The following DUOXA1 variants were observed in gnomAD, a reference collection of about 807,000 sequenced individuals.
DUOXA1 encodes the protein dual oxidase activator 1.
Under a neutral mutation model 26.6 loss-of-function variants are expected in DUOXA1, and 19 were observed. The ratio of observed to expected loss-of-function variants is 0.71; its 90% CI spans 0.50 to 1.05. DUOXA1 has a LOEUF of 1.05. DUOXA1 is among the 50% of genes least tolerant of loss of function. The pLI is 0.00. For synonymous variants in DUOXA1, 166 were observed against 177.0 expected, an observed-to-expected ratio of 0.94 and a Z score of 0.49; for missense variants, 403 against 427.5, an observed-to-expected ratio of 0.94 and a Z score of 0.51.
Position 45,117,479 on chromosome 15 carries a change from C to G in DUOXA1, c.*1627G>C, listed in dbSNP as rs1481579481. ...TTTTACAGATGAAAAGTGGGGGGCT[C>G]AGAAGGGTTTGGTGTCTTGCCGTGT... is the stretch of plus-strand genomic sequence containing the variant. On this transcript the variant is annotated 3_prime_UTR_variant, in exon 9 of 9. Coordinates refer to ENST00000560572, the MANE Select transcript of DUOXA1 (RefSeq NM_001276266.2). The G allele has an allele frequency of 2.6e-6, 4 of 1,550,384 alleles. No homozygotes were observed. Among genetic ancestry groups the G allele is most frequent in the Non-Finnish European group, 2.6e-6 (3 of 1,146,136 alleles).
At chr15:45,122,289 C>A in intron 4 of DUOXA1, 47 bp from the exon 5 acceptor site, 1 of 1,553,368 alleles carries the variant, frequency 6.4e-7, no homozygotes, top group Middle Eastern at 1.7e-4. Flanking sequence ...CTTCCTTCCA[C>A]ATCTACCCTT....
intron 3 of DUOXA1, 99 bp downstream of exon 3, chr15:45,128,919 G>C (rs551661237): frequency 1.3e-5 from 2 of 152,142 alleles, no homozygotes; most frequent in Non-Finnish European, 2.9e-5. Flanking sequence ...GTGCCAGGGC[G>C]GGAGCAAGCA....
chr15:45,123,614 C>T (rs944140116), intron 3 of DUOXA1, among the ~76,000 whole-genome samples: 2 of 152,232 alleles, frequency 1.3e-5, no homozygotes, highest in African/African-American at 4.8e-5. Context: ...TTCTCAAGCA[C>T]CCTGGCTCTT....
chr15:45,128,578 G>A (rs1166386501), intron 3 of DUOXA1, among the ~76,000 whole-genome samples: 4 of 152,230 alleles, frequency 2.6e-5, no homozygotes, highest in Non-Finnish European at 5.9e-5. Context: ...CTGTGTGTAC[G>A]TGTGTATCTG....
In DUOXA1 at chr15:45,117,403, A is replaced by G; in HGVS notation, c.*1703T>C. On this transcript the variant is annotated 3_prime_UTR_variant, in exon 9 of 9. Coordinates refer to ENST00000560572, the MANE Select transcript of DUOXA1 (RefSeq NM_001276266.2). ...TTTACAGAATGAATTCACATCTATTACCCTATTTGCCCCTCTCAATAGTTC... is the reference window on the plus strand; with the variant it reads ...TTTACAGAATGAATTCACATCTATTGCCCTATTTGCCCCTCTCAATAGTTC... 6.6e-7 allele frequency: 1 copy of G among 1,507,900 alleles called. No individual in the cohort carries two copies. Among genetic ancestry groups the G allele is most frequent in the Non-Finnish European group, 8.9e-7 (1 of 1,122,210 alleles). The allele number at this position is 1,507,900 out of a possible 1,614,324, so 93.4% of individuals were successfully genotyped here.
At chr15:45,127,005 C>T (rs1009472909) in intron 3 of DUOXA1, among the ~76,000 whole-genome samples, 3 of 152,108 alleles carry the variant, frequency 2.0e-5, no homozygotes, top group Non-Finnish European at 2.9e-5. Context: ...ACTAAGAATT[C>T]GTGTATTAAA....
intron 3 of DUOXA1, among the ~76,000 whole-genome samples, chr15:45,128,390 G>A (rs914918283): frequency 6.6e-6 from 1 of 152,182 alleles, no homozygotes; most frequent in East Asian, 1.9e-4. Context: ...CTCCACAAGT[G>A]GGGAGTGGGT....
Position 45,120,822 on chromosome 15 carries a change from C to T in DUOXA1, c.341-17G>A, listed in dbSNP as rs1332249224. On this transcript the variant is annotated splice_polypyrimidine_tract_variant and intron_variant, in intron 6 of 8. Coordinates refer to ENST00000560572, the MANE Select transcript of DUOXA1 (RefSeq NM_001276266.2). ...CGGGGGTCCCTAGGGCACAAGGCAG[C>T]TCTGCTCAGCAGGAACCCAAGGGCC... is the stretch of plus-strand genomic sequence containing the variant. 2.5e-6 allele frequency: 4 copies of T among 1,613,674 alleles called. No homozygotes were observed. The highest frequency in any genetic ancestry group is 1.7e-6 in the Non-Finnish European group (2 of 1,179,744).
rs1483514297 is a variant in DUOXA1 at position 45,117,665 on chromosome 15, C to A, written c.*1441G>T. On this transcript the variant is annotated 3_prime_UTR_variant, in exon 9 of 9. Transcript: ENST00000560572. The stretch of plus-strand genomic sequence containing the variant: ...CAGAGTTCGAGACCAGCCTGGGCAA[C>A]ATAGCCCTGACTCCACATGCCCTCC... 6.8e-6 allele frequency: 11 copies of A among 1,613,698 alleles called. No individual in the cohort carries two copies. Among genetic ancestry groups the A allele is most frequent in the Non-Finnish European group, 9.3e-6 (11 of 1,179,916 alleles).
Position 45,117,400 on chromosome 15 carries a change from A to C in DUOXA1, c.*1706T>G, listed in dbSNP as rs1894708630. ...CAGTTTACAGAATGAATTCACATCT[A>C]TTACCCTATTTGCCCCTCTCAATAG... On this transcript the variant is annotated 3_prime_UTR_variant, in exon 9 of 9. Transcript: ENST00000560572. 1 of 1,507,990 alleles carries C rather than the reference A, an allele frequency of 6.6e-7. No homozygotes were observed. The highest frequency in any genetic ancestry group is 1.3e-5 in the South Asian group (1 of 76,358). The allele number at this position is 1,507,990 out of a possible 1,614,324, so 93.4% of individuals were successfully genotyped here. A position where few individuals can be genotyped will look rare whatever the true frequency, so the allele number is the denominator to read the frequency against.
Position 45,118,162 on chromosome 15 carries a change from G to A in DUOXA1, c.*944C>T. ...CCGCGCCGGGGTCGCACGTCCTCAT[G>A]AGCTTCGCTGGGCTGGAGACAGCCT... On this transcript the variant is annotated 3_prime_UTR_variant, in exon 9 of 9. Coordinates refer to ENST00000560572, the MANE Select transcript of DUOXA1 (RefSeq NM_001276266.2). 7.0e-7 allele frequency: 1 copy of A among 1,437,406 alleles called. No individual in the cohort carries two copies. The highest frequency in any genetic ancestry group is 9.1e-7 in the Non-Finnish European group (1 of 1,101,152). The allele number at this position is 1,437,406 out of a possible 1,614,324, so 89.0% of individuals were successfully genotyped here. A position where few individuals can be genotyped will look rare whatever the true frequency, so the allele number is the denominator to read the frequency against.
chr15:45,117,370 C>T lies in DUOXA1; in HGVS notation c.*1736G>A, dbSNP rs564166285. The T allele has an allele frequency of 7.3e-6, 11 of 1,511,440 alleles. No homozygotes were observed. The African/African-American group carries it at 1.2e-4, about 17-fold the overall frequency. The allele number at this position is 1,511,440 out of a possible 1,614,324, so 93.6% of individuals were successfully genotyped here. A position where few individuals can be genotyped will look rare whatever the true frequency, so the allele number is the denominator to read the frequency against. On this transcript the variant is annotated 3_prime_UTR_variant, in exon 9 of 9. Transcript: ENST00000560572. ...AGACAGGATTCACACCGGGTGTGCA[C>T]TTTCCAGTTTACAGAATGAATTCAC...
intron 6 of DUOXA1, 30 bp from the exon 7 acceptor site, chr15:45,120,835 G>C (rs1293860042): frequency 6.2e-7 from 1 of 1,611,178 alleles, no homozygotes; most frequent in Non-Finnish European, 8.5e-7. Flanking sequence ...TGCTCAGCAG[G>C]AACCCAAGGG....
At chr15:45,125,445 T>C (rs911580904) in intron 3 of DUOXA1, among the ~76,000 whole-genome samples, 4 of 152,184 alleles carry the variant, frequency 2.6e-5, no homozygotes, top group Admixed American at 1.3e-4. Context: ...CCAGCTACCA[T>C]CCTATTTTAC....
intron 5 of DUOXA1, 120 bp downstream of exon 5, chr15:45,122,062 GTCT>G: frequency 9.7e-7 from 1 of 1,032,390 alleles, no homozygotes; most frequent in Non-Finnish European, 1.5e-6. Flanking sequence ...TATGGGCAGG[GTCT>G]GGAAGCCACC....
At position 45,118,388 on chromosome 15, in the gene DUOXA1, G is replaced by T. The variant is rs1894832535; in HGVS notation, c.*718C>A. 32 of 1,082,368 alleles carry T rather than the reference G, an allele frequency of 3.0e-5. No individual in the cohort carries two copies. In the South Asian group the frequency reaches 5.3e-4, roughly 18 times the overall value. 67.0% of individuals were successfully genotyped at this position (1,082,368 alleles called of 1,614,324 possible). ...CCACTCAGCTAGCCCAGCTGAGTGG[G>T]GTGGGAAGGAATAGCGTTTTGGAGT... On this transcript the variant is annotated 3_prime_UTR_variant, in exon 9 of 9. Transcript: ENST00000560572.
chr15:45,122,973 G>A lies in DUOXA1; in HGVS notation c.42C>T (p.Pro14=), dbSNP rs1438559730. The A allele has an allele frequency of 6.2e-7, 1 of 1,613,222 alleles. No homozygotes were observed. Among genetic ancestry groups the A allele is most frequent in the Non-Finnish European group, 8.5e-7 (1 of 1,179,666 alleles). ...TGGTGTCCATCGGGAAGGTTGGCTT[G>A]GGGCCAGCATAGAAGGGGAATGTGT... ...LGHTFPFYAG[P]KPTFPMDTTL... is the part of the protein sequence containing the mutation. The change falls in exon 4 of 9, where the codon CCC becomes CCT. Residue 14 remains proline (P), a synonymous_variant. Transcript: ENST00000560572.
chr15:45,119,516 ATGTGGCTGG>A (rs1345118806), intron 8 of DUOXA1, 151 bp from the exon 9 acceptor site: 3 of 1,288,316 alleles, frequency 2.3e-6, no homozygotes, highest in African/African-American at 1.5e-5. Flanking sequence ...GCTGAGGGGC[ATGTGGCTGG>A]TGTGGCTCTG....
At chr15:45,123,402 T>G (rs112093629) in intron 3 of DUOXA1, among the ~76,000 whole-genome samples, 2 of 152,302 alleles carry the variant, frequency 1.3e-5, no homozygotes, top group South Asian at 2.1e-4. Flanking sequence ...CTAGCACAGA[T>G]AGATCACAGA....
Sources: gnomAD v4.1 joint callset for allele counts (sites outside exome capture counted in the v4.1 genomes callset) on GRCh38, gnomAD v4.1.1 for gene constraint, MANE v1.5 for transcripts, NCBI Gene and HGNC (gene_info 2026-07-23, HGNC 2026-07-21) for gene names.